Variants in HBP1 observed in about 807,000 individuals in gnomAD.
HBP1 encodes the protein HMG box-containing protein 1.
Under a neutral mutation model 62.6 loss-of-function variants are expected in HBP1, and 20 were observed. That is an observed-to-expected ratio of 0.32 (90% CI 0.22 to 0.46). The LOEUF (loss-of-function observed/expected upper bound fraction) is 0.46, where lower values mean the gene tolerates loss of function less well. Ranked by LOEUF, HBP1 falls within the 20% of genes least tolerant of loss-of-function variation. HBP1 has a pLI of 1.00. For synonymous variants in HBP1, 232 were observed against 206.2 expected, an observed-to-expected ratio of 1.12 and a Z score of -1.07; for missense variants, 480 against 611.8, an observed-to-expected ratio of 0.78 and a Z score of 2.27.
intron 3 of HBP1, among the ~76,000 whole-genome samples, chr7:107,183,738 C>T (rs1458993141): frequency 6.6e-6 from 1 of 151,568 alleles, no homozygotes; most frequent in Non-Finnish European, 1.5e-5. Context: ...GTGAGTAAAC[C>T]CTTCAGAAGA....
chr7:107,195,183 A>G (rs1797834988), intron 8 of HBP1, among the ~76,000 whole-genome samples: 1 of 152,092 alleles, frequency 6.6e-6, no homozygotes, highest in Non-Finnish European at 1.5e-5. Context: ...TGCCACGCCT[A>G]GCTGATTTTT....
At chr7:107,194,582 C>T (rs987171065) in intron 8 of HBP1, among the ~76,000 whole-genome samples, 24 of 152,194 alleles carry the variant, frequency 1.6e-4, no homozygotes, top group Non-Finnish European at 1.2e-4. Context: ...TGTGTGTAGT[C>T]AGTGGCATGG....
At chr7:107,189,212 A>G in intron 6 of HBP1, 80 bp from the exon 7 acceptor site, 1 of 1,196,982 alleles carries the variant, frequency 8.4e-7, no homozygotes, top group Non-Finnish European at 1.2e-6. Flanking sequence ...CTTTTCCACA[A>G]AGTCTTACAT....
intron 9 of HBP1, 53 bp downstream of exon 9, chr7:107,196,204 T>A (rs750872902): frequency 1.0e-6 from 1 of 1,002,540 alleles, no homozygotes; most frequent in African/African-American, 1.6e-5. Flanking sequence ...TTCAATACGG[T>A]TCATGGTAAC....
At chr7:107,186,027 C>G in intron 4 of HBP1, 85 bp downstream of exon 4, 5 of 1,005,438 alleles carry the variant, frequency 5.0e-6, no homozygotes, top group Non-Finnish European at 7.7e-6. Context: ...AGTAGTCTCA[C>G]TGTTCTGTTA....
Position 107,171,073 on chromosome 7 carries a change from A to ATTTTTT in HBP1, c.-16+1898_-16+1903dup, listed in dbSNP as rs60734729. Among the ~76,000 whole-genome samples, 44 of 87,196 alleles carry ATTTTTT rather than the reference A, an allele frequency of 5.0e-4. 3 individuals are homozygous for ATTTTTT. Among genetic ancestry groups the ATTTTTT allele is most frequent in the African/African-American group, 2.2e-3 (34 of 15,122 alleles). The allele number at this position is 87,196 out of a possible 152,430, so 57.2% of individuals were successfully genotyped here. A position where few individuals can be genotyped will look rare whatever the true frequency, so the allele number is the denominator to read the frequency against. ...TATATATATATATATATATATATAT[A>ATTTTTT]TTTTTTTTTTTTTTTGAGAGGGAGT... On this transcript the variant is annotated intron_variant, in intron 1 of 10. Transcript: ENST00000222574.
At position 107,180,052 on chromosome 7, in the gene HBP1, C is replaced by G. The variant is rs1797039066; in HGVS notation, c.159C>G (p.His53Gln). 1 of 1,565,156 alleles carries G rather than the reference C, an allele frequency of 6.4e-7. No homozygotes were observed. Among genetic ancestry groups the G allele is most frequent in the Admixed American group, 1.7e-5 (1 of 58,944 alleles). The change falls in exon 2 of 11, where the codon CAC (histidine) becomes CAG (glutamine). Residue 53 changes from histidine (H) to glutamine (Q), a missense_variant. Around this residue, in one of 4 missense-constraint regions of HBP1, gnomAD observed 304 missense variants for 330.9 expected, o/e 0.92. Transcript: ENST00000222574. ...CTGGATATAACTCCTGTGATGAACA[C>G]ATGGAGCTTGGTAAGCAAAATTAAA... ...SSPGYNSCDE[H>Q]MELDDLPELQ...
At position 107,186,624 on chromosome 7, in the gene HBP1, T is replaced by C. The variant is rs1797387066; in HGVS notation, c.708T>C (p.Asp236=). 6.2e-7 allele frequency: 1 copy of C among 1,613,552 alleles called. No homozygotes were observed. The highest frequency in any genetic ancestry group is 1.3e-5 in the African/African-American group (1 of 74,910). ...ATAAGGAATGGCAAGATGTTGAAGA[T>C]TTTGCTAGAGCTGAAGGCTGTGATA... ...GSNKEWQDVE[D]FARAEGCDNE... Residue 236 remains aspartate, a synonymous_variant, in exon 6 of 11, where the codon GAT becomes GAC. Transcript: ENST00000222574.
At chr7:107,171,492 T>C (rs1796593635) in intron 1 of HBP1, among the ~76,000 whole-genome samples, 1 of 152,084 alleles carries the variant, frequency 6.6e-6, no homozygotes, top group Non-Finnish European at 1.5e-5. Context: ...CAGGGTGAAT[T>C]GCAAGCTGGT....
In HBP1 at chr7:107,171,069, A is replaced by ATTTT. The variant is rs1292839546; in HGVS notation, c.-16+1885_-16+1886insTTTT. On this transcript the variant is annotated intron_variant, in intron 1 of 10. Coordinates refer to ENST00000222574, the MANE Select transcript of HBP1 (RefSeq NM_012257.4). Reference sequence around the variant, plus strand: ...TAAATATATATATATATATATATATATATATTTTTTTTTTTTTTTGAGAGG... The same window carrying ATTTT: ...TAAATATATATATATATATATATATATTTTTATATTTTTTTTTTTTTTTGAGAGG... Among the ~76,000 whole-genome samples, 157 of 72,368 alleles carry ATTTT rather than the reference A, an allele frequency of 2.2e-3. 17 individuals carry two copies. Among genetic ancestry groups the ATTTT allele is most frequent in the African/African-American group, 0.014 (134 of 9,410 alleles). The allele number at this position is 72,368 out of a possible 152,430, so 47.5% of individuals were successfully genotyped here. A position where few individuals can be genotyped will look rare whatever the true frequency, so the allele number is the denominator to read the frequency against.
chr7:107,194,872 A>T (rs987640878), intron 8 of HBP1, among the ~76,000 whole-genome samples: 2 of 152,246 alleles, frequency 1.3e-5, no homozygotes, highest in African/African-American at 4.8e-5. Context: ...TAAACTGAAC[A>T]TACAGAACAA....
intron 1 of HBP1, among the ~76,000 whole-genome samples, chr7:107,175,677 C>G (rs918991216): frequency 1.3e-5 from 2 of 151,416 alleles, no homozygotes; most frequent in African/African-American, 4.9e-5. Context: ...TATGAGTTTA[C>G]TCATGTGAGT....
chr7:107,196,601 T>A (rs899628330), intron 9 of HBP1: 1 of 260,292 alleles, frequency 3.8e-6, no homozygotes, highest in African/African-American at 2.3e-5. Flanking sequence ...TTAAGTGGAA[T>A]TTTTAGGGTT....
rs1184704903 is a variant in HBP1 at position 107,171,063 on chromosome 7, A to ATTT, written c.-16+1879_-16+1880insTTT. 2.0e-4 allele frequency among the ~76,000 whole-genome samples: 13 copies of ATTT among 65,916 alleles called. 3 individuals carry two copies. Among genetic ancestry groups the ATTT allele is most frequent in the Admixed American group, 1.1e-3 (6 of 5,504 alleles). 43.2% of individuals were successfully genotyped at this position (65,916 alleles called of 152,430 possible). On this transcript the variant is annotated intron_variant, in intron 1 of 10. Transcript: ENST00000222574. ...CATGTATAAATATATATATATATAT[A>ATTT]TATATATATATTTTTTTTTTTTTTT...
intron 1 of HBP1, among the ~76,000 whole-genome samples, chr7:107,171,050 T>A (rs1215825067): frequency 1.5e-4 from 9 of 58,668 alleles, no homozygotes; most frequent in African/African-American, 8.5e-4. Context: ...TGTATAAATA[T>A]ATATATATAT....
In HBP1 at chr7:107,201,596, T is replaced by G. The variant is rs1022152894; in HGVS notation, c.*165T>G. ...TTTAATAATATGAGTGAGGATTTGC[T>G]TTCTCCATTAGAGCATTAAGCTAAA... On this transcript the variant is annotated 3_prime_UTR_variant, in exon 11 of 11. Transcript: ENST00000222574. 2 of 458,478 alleles carry G rather than the reference T, an allele frequency of 4.4e-6. No individual in the cohort carries two copies. The highest frequency in any genetic ancestry group is 8.0e-6 in the Non-Finnish European group (2 of 250,424). The allele number at this position is 458,478 out of a possible 1,614,324, so 28.4% of individuals were successfully genotyped here.
intron 8 of HBP1, among the ~76,000 whole-genome samples, chr7:107,193,902 G>A (rs925424713): frequency 3.3e-5 from 5 of 152,080 alleles, no homozygotes; most frequent in African/African-American, 1.2e-4. Flanking sequence ...ATATTGGAAG[G>A]ATTAAATAAG....
At position 107,189,541 on chromosome 7, in the gene HBP1, T is replaced by A. The variant is rs1027350179; in HGVS notation, c.922+93T>A. ...GTAGCTTTGATGATTAAGAAAAAAT[T>A]TGAGGGGAAAACGTCTTTCAAACTA... On this transcript the variant is annotated intron_variant, in intron 7 of 10. Coordinates refer to ENST00000222574, the MANE Select transcript of HBP1 (RefSeq NM_012257.4). 8.4e-6 allele frequency: 8 copies of A among 957,920 alleles called. No homozygotes were observed. The African/African-American group carries it at 1.3e-4, about 16-fold the overall frequency. The allele number at this position is 957,920 out of a possible 1,614,324, so 59.3% of individuals were successfully genotyped here.
At chr7:107,178,368 C>G (rs1796959481) in intron 1 of HBP1, among the ~76,000 whole-genome samples, 1 of 152,242 alleles carries the variant, frequency 6.6e-6, no homozygotes, top group South Asian at 2.1e-4. Flanking sequence ...AAAAATCTTA[C>G]CATTGTTGCT....
Sources: allele counts gnomAD v4.1 joint callset (sites outside exome capture counted in the v4.1 genomes callset), GRCh38; gene constraint gnomAD v4.1.1; regional missense constraint gnomAD v4.1.1; transcripts MANE v1.5; gene names NCBI Gene and HGNC (gene_info 2026-07-23, HGNC 2026-07-21).